NAV1: variants seen among roughly 807,000 people sequenced by gnomAD.
The protein encoded by NAV1 is pore membrane and/or filament interacting like protein 3.
In NAV1, 18 loss-of-function variants were observed where a neutral mutation model predicts 175.2. The observed-to-expected ratio is 0.10, with a 90% confidence interval of 0.07 to 0.15. The LOEUF is 0.15. Among genes scored for constraint, NAV1 ranks in the 10% least tolerant of loss-of-function variants. The pLI, the probability that NAV1 is intolerant of heterozygous loss-of-function variation, is 1.00. For synonymous variants in NAV1, 897 were observed against 978.7 expected, an observed-to-expected ratio of 0.92 and a Z score of 1.56; for missense variants, 1,731 against 2,436.6, an observed-to-expected ratio of 0.71 and a Z score of 6.10.
At position 201,745,483 on chromosome 1, in the gene NAV1, T is replaced by C. The variant is rs527904566; in HGVS notation, c.1226+26728T>C. On this transcript the variant is annotated intron_variant, in intron 3 of 29. Coordinates refer to ENST00000367296, the Ensembl canonical transcript of NAV1. Reference sequence around the variant, plus strand: ...AAGAGGAAAGTTGTGTACCCACCTCTGATTTCCTGGGTACTGAGCTGGGTG... The same window carrying C: ...AAGAGGAAAGTTGTGTACCCACCTCCGATTTCCTGGGTACTGAGCTGGGTG... Among the ~76,000 whole-genome samples, 161 of 152,358 alleles carry C rather than the reference T, an allele frequency of 1.1e-3. 1 individual carries two copies. The highest frequency in any genetic ancestry group is 3.8e-3 in the African/African-American group (157 of 41,580).
At chr1:201,664,500 TGTAACACAC>T (rs1669739183) in intron 1 of NAV1, among the ~76,000 whole-genome samples, 1 of 152,224 alleles carries the variant, frequency 6.6e-6, no homozygotes, top group East Asian at 1.9e-4. Context: ...AGATAATGCA[TGTAACACAC>T]TGAGCACAGT....
At chr1:201,691,911 C>A (rs951426163) in intron 1 of NAV1, among the ~76,000 whole-genome samples, 1 of 152,230 alleles carries the variant, frequency 6.6e-6, no homozygotes, top group African/African-American at 2.4e-5. Flanking sequence ...TGACTGTGGT[C>A]TAGAGACCTC....
rs1453185957 is a variant in NAV1 at position 201,808,042 on chromosome 1, C to T, written c.3738C>T (p.Pro1246=). Residue 1246 remains proline, a synonymous_variant, in exon 18 of 30, where the codon CCC becomes CCT. Coordinates refer to ENST00000367296, the Ensembl canonical transcript of NAV1. This position sits in a 1 kb window ranked among gnomAD's most constrained non-coding sequence, Gnocchi z 5.5. ...CGGATATAGAGGAGATTGCTACACCCGACTCTTCAGCCCCCTCATCCCCCA... is the reference window on the plus strand; with the variant it reads ...CGGATATAGAGGAGATTGCTACACCTGACTCTTCAGCCCCCTCATCCCCCA... 9 of 1,614,068 alleles carry T rather than the reference C, an allele frequency of 5.6e-6. No individual in the cohort carries two copies. The highest frequency in any genetic ancestry group is 4.0e-5 in the African/African-American group (3 of 74,904).
intron 1 of NAV1, among the ~76,000 whole-genome samples, chr1:201,578,868 C>T (rs1666767692): frequency 6.6e-6 from 1 of 152,128 alleles, no homozygotes. Flanking sequence ...CATGGTGGCT[C>T]ACACTTCTAA....
chr1:201,642,557 T>TCCTTCCTTCCTTCCTCTTTC (rs1553247081), intron 2 of NAV1, among the ~76,000 whole-genome samples: 3 of 106,018 alleles, frequency 2.8e-5, no homozygotes, highest in African/African-American at 8.5e-5. Flanking sequence ...TTCTTTCTTT[T>TCCTTCCTTCCTTCCTCTTTC]TTCCCTTTCT....
intron 2 of NAV1, among the ~76,000 whole-genome samples, chr1:201,596,886 C>T (rs1369439796): frequency 5.3e-5 from 8 of 152,022 alleles, no homozygotes; most frequent in East Asian, 1.9e-4. Context: ...AGTGCAATGG[C>T]GAAATCTCGG....
intron 13 of NAV1, chr1:201,791,103 A>G (rs1198333574): frequency 7.0e-6 from 2 of 287,026 alleles, no homozygotes; most frequent in Non-Finnish European, 1.3e-5. Flanking sequence ...CCATGGACAA[A>G]AGCAGTTATG....
rs1228618176 is a variant in NAV1 at position 201,694,454 on chromosome 1, T to A, written c.758-18363T>A. Among the ~76,000 whole-genome samples the A allele has an allele frequency of 6.6e-6, 1 of 151,632 alleles. No homozygotes were observed. Among genetic ancestry groups the A allele is most frequent in the East Asian group, 1.9e-4 (1 of 5,170 alleles). On this transcript the variant is annotated intron_variant, in intron 1 of 29. Coordinates refer to ENST00000367296, the Ensembl canonical transcript of NAV1. This position sits in a 1 kb window ranked among gnomAD's most constrained non-coding sequence, Gnocchi z 4.2. ...TAAAGATAGATGACCCTGGGGAGGG[T>A]GAGGGCCGGGGTCACCAGCTGCTGG...
chr1:201,619,662 G>A (rs980760022), upstream of NAV1, among the ~76,000 whole-genome samples: 1 of 152,248 alleles, frequency 6.6e-6, no homozygotes, highest in Non-Finnish European at 1.5e-5. Context: ...GCTGGGAGCT[G>A]GATAGGCTTC....
Position 201,539,323 on chromosome 1 carries a change from C to A in NAV1, c.-163C>A, listed in dbSNP as rs180724932. 1.3e-4 allele frequency among the ~76,000 whole-genome samples: 19 copies of A among 151,980 alleles called. No individual in the cohort carries two copies. The East Asian group carries it at 3.5e-3, about 28-fold the overall frequency. The stretch of plus-strand genomic sequence containing the variant: ...CGCGGCTGCGGCGCGGACCCGGAGC[C>A]CGGGCGGGCAGGCGCTCCGGTGAGT... On this transcript the variant is annotated 5_prime_UTR_variant, in exon 1 of 34. Transcript: ENST00000685211. This position sits in a 1 kb window ranked among gnomAD's most constrained non-coding sequence, Gnocchi z 5.6.
chr1:201,705,457 G>A (rs909439169), intron 1 of NAV1, among the ~76,000 whole-genome samples: 3 of 152,252 alleles, frequency 2.0e-5, no homozygotes, highest in African/African-American at 7.2e-5. Flanking sequence ...TTGAGCGCTG[G>A]GCTCCAGTTC....
chr1:201,651,333 A>G (rs1382085861), intron 1 of NAV1, among the ~76,000 whole-genome samples: 1 of 151,962 alleles, frequency 6.6e-6, no homozygotes, highest in Non-Finnish European at 1.5e-5. Flanking sequence ...CTGACTGCCC[A>G]TTGAAGCCCT....
chr1:201,709,821 TG>T (rs1434306594), intron 1 of NAV1, among the ~76,000 whole-genome samples: 1 of 152,208 alleles, frequency 6.6e-6, no homozygotes, highest in Non-Finnish European at 1.5e-5. Context: ...GGAAGCTGCC[TG>T]GAGTCAAGTG....
At chr1:201,647,106 G>A (rs538506515), upstream of NAV1, among the ~76,000 whole-genome samples, 14 of 152,316 alleles carry the variant, frequency 9.2e-5, no homozygotes, top group African/African-American at 3.4e-4. Flanking sequence ...ACCCCTCCTG[G>A]AGCAAGCTTT....
intron 1 of NAV1, among the ~76,000 whole-genome samples, chr1:201,586,988 G>A (rs758074772): frequency 2.6e-5 from 4 of 152,146 alleles, no homozygotes; most frequent in Non-Finnish European, 5.9e-5. Context: ...AGGCTCACTT[G>A]AGCCCAGGAA....
Position 201,588,340 on chromosome 1 carries a change from A to G in NAV1, c.-143-199A>G, listed in dbSNP as rs145648380. On this transcript the variant is annotated intron_variant, in intron 1 of 33. Coordinates refer to the NAV1 transcript ENST00000685211. ...CCACGTATTGTATGATTTTATTCAT[A>G]TGAGTTTTTGTTTGTTTGTTTTTAA... Among the ~76,000 whole-genome samples, 230 of 152,180 alleles carry G rather than the reference A, an allele frequency of 1.5e-3. 3 individuals carry two copies. Among genetic ancestry groups the G allele is most frequent in the African/African-American group, 5.3e-3 (220 of 41,526 alleles).
At chr1:201,693,069 A>C (rs1671024517) in intron 1 of NAV1, among the ~76,000 whole-genome samples, 1 of 152,218 alleles carries the variant, frequency 6.6e-6, no homozygotes, top group Non-Finnish European at 1.5e-5. Context: ...AGGCGGGACA[A>C]GTATGGCAGG....
intron 1 of NAV1, among the ~76,000 whole-genome samples, chr1:201,565,728 G>A (rs895143619): frequency 1.3e-5 from 2 of 152,138 alleles, no homozygotes; most frequent in East Asian, 1.9e-4. Context: ...TAATAGAAGG[G>A]CTGTCACCCA....
intron 2 of NAV1, among the ~76,000 whole-genome samples, chr1:201,637,687 T>C (rs1232860212): frequency 6.6e-6 from 1 of 152,200 alleles, no homozygotes. Context: ...GAAGGACACA[T>C]GCTCACACAA....
Sources: allele counts gnomAD v4.1 joint callset (sites outside exome capture counted in the v4.1 genomes callset), GRCh38; gene constraint gnomAD v4.1.1; non-coding constraint Gnocchi (gnomAD v3.1); transcripts MANE v1.5; gene names NCBI Gene and HGNC (gene_info 2026-07-23, HGNC 2026-07-21).